ARHGAP17: variants seen among roughly 807,000 people sequenced by gnomAD.
ARHGAP17 encodes the protein Rho GTPase activating protein 17.
A neutral mutation model predicts 99.5 loss-of-function variants in ARHGAP17; 57 were observed. The observed-to-expected ratio is 0.57, with a 90% CI of 0.46 to 0.71. The LOEUF (loss-of-function observed/expected upper bound fraction) is 0.71, where lower values mean the gene tolerates loss of function less well. Among genes scored for constraint, ARHGAP17 ranks in the 30% least tolerant of loss-of-function variants. The probability of loss-of-function intolerance (pLI) is 0.00; values close to 1 mark genes in which losing one functional copy is unlikely to be tolerated. For missense variants in ARHGAP17, 1,000 were observed against 1,122.4 expected, an observed-to-expected ratio of 0.89 and a Z score of 1.56; for synonymous variants, 417 against 429.6, an observed-to-expected ratio of 0.97 and a Z score of 0.36.
intron 1 of ARHGAP17, among the ~76,000 whole-genome samples, chr16:24,995,584 A>C (rs1046879311): frequency 6.6e-6 from 1 of 152,232 alleles, no homozygotes; most frequent in African/African-American, 2.4e-5. Flanking sequence ...TGACTAAATG[A>C]AAGTTTTCAG....
intron 3 of ARHGAP17, among the ~76,000 whole-genome samples, chr16:24,975,591 T>C (rs879432890): frequency 5.3e-5 from 8 of 152,126 alleles, no homozygotes; most frequent in Admixed American, 5.2e-4. Flanking sequence ...GAATCCTCAC[T>C]GTTGTGCAAG....
intron 18 of ARHGAP17, among the ~76,000 whole-genome samples, chr16:24,931,982 TG>T (rs1157607679): frequency 6.6e-6 from 1 of 151,914 alleles, no homozygotes; most frequent in African/African-American, 2.4e-5. Flanking sequence ...CCGGGCGTGG[TG>T]GCATGCGCCT....
At chr16:25,006,177 G>A (rs2053499637) in intron 1 of ARHGAP17, among the ~76,000 whole-genome samples, 1 of 151,922 alleles carries the variant, frequency 6.6e-6, no homozygotes, top group South Asian at 2.1e-4. Flanking sequence ...CCTAATTAAG[G>A]TAACAGGAAG....
Position 24,977,223 on chromosome 16 carries a change from T to C in ARHGAP17, c.190A>G (p.Arg64Gly). Residue 64 changes from arginine to glycine, a missense_variant, in exon 3 of 20, where the codon AGG becomes GGG. By Grantham distance (125) the Arg-to-Gly change is moderately radical. Coordinates refer to ENST00000289968, the MANE Select transcript of ARHGAP17 (RefSeq NM_001006634.3). ...TCACATCTGATACTCACGTGTCTCCTCTCGGCATCGGTGCCATGCTGGCCC... is the reference window on the plus strand; with the variant it reads ...TCACATCTGATACTCACGTGTCTCCCCTCGGCATCGGTGCCATGCTGGCCC... ...FQGQHGTDAE[R>G]RHKKLPLTAL... 6.3e-7 allele frequency: 1 copy of C among 1,581,736 alleles called. No individual in the cohort carries two copies. Among genetic ancestry groups the C allele is most frequent in the Non-Finnish European group, 8.6e-7 (1 of 1,157,258 alleles).
chr16:24,927,096 C>T (rs1379675714), intron 19 of ARHGAP17, among the ~76,000 whole-genome samples: 2 of 152,074 alleles, frequency 1.3e-5, no homozygotes, highest in African/African-American at 4.8e-5. Context: ...CATGGTGAAG[C>T]CCCGTCTCTA....
In ARHGAP17 at chr16:24,978,460, C is replaced by T. The variant is rs981441098; in HGVS notation, c.93+506G>A. ...CCCCTGGGGAAATGCCACACAACTG[C>T]TCTAACAGAGACTGAAAAAAAGGCA... On this transcript the variant is annotated intron_variant, in intron 2 of 19. Coordinates refer to ENST00000289968, the MANE Select transcript of ARHGAP17 (RefSeq NM_001006634.3). 6.6e-5 allele frequency among the ~76,000 whole-genome samples: 10 copies of T among 152,176 alleles called. No individual in the cohort carries two copies. The East Asian group carries it at 1.9e-3, about 29-fold the overall frequency.
chr16:24,992,115 G>C (rs545369419), intron 1 of ARHGAP17, among the ~76,000 whole-genome samples: 1 of 152,288 alleles, frequency 6.6e-6, no homozygotes, highest in Non-Finnish European at 1.5e-5. Flanking sequence ...TGGCTGCAGA[G>C]AAAGGCTTTG....
At chr16:24,982,343 G>A (rs2052697590) in intron 1 of ARHGAP17, among the ~76,000 whole-genome samples, 1 of 152,046 alleles carries the variant, frequency 6.6e-6, no homozygotes, top group South Asian at 2.1e-4. Flanking sequence ...GGCGGAGGTT[G>A]CAGTGAGCCA....
intron 1 of ARHGAP17, among the ~76,000 whole-genome samples, chr16:25,006,286 A>C (rs796572565): frequency 7.2e-6 from 1 of 139,068 alleles, no homozygotes; most frequent in Non-Finnish European, 1.6e-5. Flanking sequence ...ACTAAAAATT[A>C]AAAAAAAAAA....
chr16:24,942,764 T>C (rs1411367370), intron 15 of ARHGAP17, among the ~76,000 whole-genome samples: 9 of 132,326 alleles, frequency 6.8e-5, no homozygotes, highest in Admixed American at 6.6e-4. Context: ...CAAGACTCTG[T>C]CTCAAAAAAA....
At chr16:24,960,407 T>G (rs1271001494) in intron 7 of ARHGAP17, among the ~76,000 whole-genome samples, 3 of 151,738 alleles carry the variant, frequency 2.0e-5, no homozygotes, top group Non-Finnish European at 4.4e-5. Flanking sequence ...TAGCCAGGCG[T>G]GGGGGCGGGC....
At chr16:25,011,185 A>G (rs1345432100) in intron 1 of ARHGAP17, among the ~76,000 whole-genome samples, 1 of 152,130 alleles carries the variant, frequency 6.6e-6, no homozygotes, top group East Asian at 1.9e-4. Context: ...CAAAAGACAC[A>G]CCATGACCTT....
chr16:24,988,120 C>T (rs2141412121), intron 1 of ARHGAP17, among the ~76,000 whole-genome samples: 1 of 152,220 alleles, frequency 6.6e-6, no homozygotes, highest in South Asian at 2.1e-4. Flanking sequence ...AGTTTGATTT[C>T]ATAGTGAGCT....
chr16:24,965,192 C>T (rs540051541), intron 6 of ARHGAP17, among the ~76,000 whole-genome samples: 25 of 148,338 alleles, frequency 1.7e-4, no homozygotes, highest in African/African-American at 5.5e-4. Context: ...CCACGTTGGC[C>T]GGGTGCGTTG....
chr16:24,999,461 G>A (rs972778667), intron 1 of ARHGAP17, among the ~76,000 whole-genome samples: 1 of 151,970 alleles, frequency 6.6e-6, no homozygotes, highest in South Asian at 2.1e-4. Flanking sequence ...CTGTCACCCA[G>A]GCTGGACTGC....
intron 14 of ARHGAP17, 110 bp from the exon 15 acceptor site, chr16:24,943,972 T>C (rs2051390254): frequency 1.9e-6 from 2 of 1,052,462 alleles, no homozygotes. Context: ...ATTTAAAAGA[T>C]GCAAAAATCA....
chr16:24,920,646 C>T (rs776128604), intron 19 of ARHGAP17: 4 of 173,104 alleles, frequency 2.3e-5, no homozygotes, highest in Non-Finnish European at 5.0e-5. Flanking sequence ...CTCCAGACTG[C>T]TGGGTTTTCC....
rs1437083299 is a variant in ARHGAP17 at position 24,977,295 on chromosome 16, G to A, written c.118C>T (p.Arg40Trp). The stretch of plus-strand genomic sequence containing the variant: ...TTATGGGAATGGTGGCATATTGACC[G>A]CACCGTGTCCAGGCGTCTCTCAATC... Reference protein sequence around the residue: ...LQIERRLDTVRSICHHSHKRL... With the variant: ...LQIERRLDTVWSICHHSHKRL... Residue 40 changes from arginine (R) to tryptophan (W), a missense_variant, in exon 3 of 20, where the codon CGG becomes TGG. Arg to Trp is a moderately radical substitution (Grantham distance 101). Coordinates refer to ENST00000289968, the MANE Select transcript of ARHGAP17 (RefSeq NM_001006634.3). 1.5e-5 allele frequency: 24 copies of A among 1,593,004 alleles called. No homozygotes were observed. Among genetic ancestry groups the A allele is most frequent in the Non-Finnish European group, 1.8e-5 (21 of 1,165,550 alleles).
At position 24,978,434 on chromosome 16, in the gene ARHGAP17, C is replaced by T. The variant is rs550376055; in HGVS notation, c.93+532G>A. Among the ~76,000 whole-genome samples the T allele has an allele frequency of 7.9e-5, 12 of 152,256 alleles. No homozygotes were observed. The South Asian group carries it at 2.5e-3, about 32-fold the overall frequency. On this transcript the variant is annotated intron_variant, in intron 2 of 19. Coordinates refer to ENST00000289968, the MANE Select transcript of ARHGAP17 (RefSeq NM_001006634.3). ...GGTTCTGCCCCGCTGGGATGCACAG[C>T]CCCCTGGGGAAATGCCACACAACTG...
Sources: gnomAD v4.1 joint callset for allele counts (sites outside exome capture counted in the v4.1 genomes callset) on GRCh38, gnomAD v4.1.1 for gene constraint, MANE v1.5 for transcripts, NCBI Gene and HGNC (gene_info 2026-07-23, HGNC 2026-07-21) for gene names.